RPLP1: variants seen among roughly 807,000 people sequenced by gnomAD.
RPLP1 encodes ribosomal protein lateral stalk subunit P1.
In RPLP1, 4 loss-of-function variants were observed where a neutral mutation model predicts 11.6. That is an observed-to-expected ratio of 0.34 (90% CI 0.17 to 0.79). The LOEUF is 0.79. Ranked by LOEUF, RPLP1 falls within the 30% of genes least tolerant of loss-of-function variation. RPLP1 has a pLI of 0.55. For synonymous variants in RPLP1, 54 were observed against 52.2 expected (o/e 1.03, Z -0.15); for missense variants, 133 against 142.8 (o/e 0.93, Z 0.35).
rs146223929 is a variant in RPLP1 at position 69,455,112 on chromosome 15, G to A, written c.148-58G>A. 819 of 1,503,198 alleles carry A rather than the reference G, an allele frequency of 5.4e-4. 2 individuals are homozygous for A. In the African/African-American group the frequency reaches 8.4e-3, roughly 15 times the overall value. The allele number at this position is 1,503,198 out of a possible 1,614,324, so 93.1% of individuals were successfully genotyped here. ...GGGGATACTTTTCGTTTTTGGCTGC[G>A]TGAGTGCTTAACAAGGACAGAACTG... is the stretch of plus-strand genomic sequence containing the variant. On this transcript the variant is annotated intron_variant, in intron 2 of 3. Coordinates refer to ENST00000260379, the MANE Select transcript of RPLP1 (RefSeq NM_001003.3).
Position 69,453,033 on chromosome 15 carries a change from G to A in RPLP1, c.72+13G>A, listed in dbSNP as rs1050775609. On this transcript the variant is annotated intron_variant, in intron 1 of 3. Transcript: ENST00000260379. The stretch of plus-strand genomic sequence containing the variant: ...GGTGACAGTCACGGTGAGTGCGGGC[G>A]CGGGCCGGCGGCCGGGCTGCCTGTG... 17 of 1,553,010 alleles carry A rather than the reference G, an allele frequency of 1.1e-5. No individual in the cohort carries two copies. In the African/African-American group the frequency reaches 2.2e-4, roughly 20 times the overall value.
intron 2 of RPLP1, chr15:69,454,680 G>C (rs1892407955): frequency 6.6e-6 from 1 of 152,238 alleles, no homozygotes; most frequent in Admixed American, 6.5e-5. Context: ...TGGAACTGTG[G>C]AAAGAATATT....
Position 69,453,031 on chromosome 15 carries a change from G to A in RPLP1, c.72+11G>A. On this transcript the variant is annotated intron_variant, in intron 1 of 3. Coordinates refer to ENST00000260379, the MANE Select transcript of RPLP1 (RefSeq NM_001003.3). ...GAGGTGACAGTCACGGTGAGTGCGG[G>A]CGCGGGCCGGCGGCCGGGCTGCCTG... 6.4e-7 allele frequency: 1 copy of A among 1,553,506 alleles called. No individual in the cohort carries two copies. Among genetic ancestry groups the A allele is most frequent in the Non-Finnish European group, 8.7e-7 (1 of 1,150,436 alleles).
In RPLP1 at chr15:69,455,532, A is replaced by G; in HGVS notation, c.*25A>G. 6.4e-7 allele frequency: 1 copy of G among 1,551,272 alleles called. No individual in the cohort carries two copies. The highest frequency in any genetic ancestry group is 8.8e-7 in the Non-Finnish European group (1 of 1,140,080). On this transcript the variant is annotated 3_prime_UTR_variant, in exon 4 of 4. Transcript: ENST00000260379. Reference sequence around the variant, plus strand: ...AACCTCTTTTATAACATGTTCAATAAAAAGCTGAACTTTACTGCTGTTGGT... The same window carrying G: ...AACCTCTTTTATAACATGTTCAATAGAAAGCTGAACTTTACTGCTGTTGGT...
rs113844079 is a variant in RPLP1 at position 69,452,819 on chromosome 15, C to A, written c.-130C>A. 7.4e-6 allele frequency: 6 copies of A among 814,948 alleles called. No homozygotes were observed. The highest frequency in any genetic ancestry group is 1.7e-5 in the African/African-American group (1 of 59,352). The allele number at this position is 814,948 out of a possible 1,614,324, so 50.5% of individuals were successfully genotyped here. Reference sequence around the variant, plus strand: ...AGAGGCTGCGTATAGGCGCGAGAGCCCCTTTCCTCAGCTGCCGCCAAGGTG... The same window carrying A: ...AGAGGCTGCGTATAGGCGCGAGAGCACCTTTCCTCAGCTGCCGCCAAGGTG... On this transcript the variant is annotated 5_prime_UTR_variant, in exon 1 of 4. Coordinates refer to ENST00000260379, the MANE Select transcript of RPLP1 (RefSeq NM_001003.3).
rs1892370873 is a variant in RPLP1, at chr15:69,452,932, C to T, written c.-17C>T. ...AGCACCGCGTCCGGCAGCGCCAGCCCTACACTCGCCCGCGCCATGGCCTCT... is the reference window on the plus strand; with the variant it reads ...AGCACCGCGTCCGGCAGCGCCAGCCTTACACTCGCCCGCGCCATGGCCTCT... On this transcript the variant is annotated 5_prime_UTR_variant, in exon 1 of 4. Transcript: ENST00000260379. 12 of 1,567,196 alleles carry T rather than the reference C, an allele frequency of 7.7e-6. No individual in the cohort carries two copies. Among genetic ancestry groups the T allele is most frequent in the Non-Finnish European group, 1.0e-5 (12 of 1,158,820 alleles).
chr15:69,453,399 C>A (rs564395590), intron 1 of RPLP1: 85 of 586,708 alleles, frequency 1.4e-4, no homozygotes, highest in Non-Finnish European at 2.5e-4. Context: ...AGGAAGGCGC[C>A]CGAGCTCGGC....
chr15:69,455,511 T>A lies in RPLP1; in HGVS notation c.*4T>A. On this transcript the variant is annotated 3_prime_UTR_variant, in exon 4 of 4. Coordinates refer to ENST00000260379, the MANE Select transcript of RPLP1 (RefSeq NM_001003.3). ...GGGCTTTGGTCTTTTTGACTAAACC[T>A]CTTTTATAACATGTTCAATAAAAAG... 3 of 1,595,128 alleles carry A rather than the reference T, an allele frequency of 1.9e-6. No homozygotes were observed. The highest frequency in any genetic ancestry group is 2.6e-6 in the Non-Finnish European group (3 of 1,172,218).
At chr15:69,453,170 G>T in intron 1 of RPLP1, 150 bp downstream of exon 1, 1 of 716,496 alleles carries the variant, frequency 1.4e-6, no homozygotes, top group Non-Finnish European at 2.3e-6. Flanking sequence ...CGCTCCTCGG[G>T]GCTGGGGCCT....
intron 1 of RPLP1, 150 bp downstream of exon 1, chr15:69,453,170 G>A: frequency 1.4e-6 from 1 of 716,496 alleles, no homozygotes; most frequent in African/African-American, 1.8e-5. Flanking sequence ...CGCTCCTCGG[G>A]GCTGGGGCCT....
In RPLP1 at chr15:69,455,707, C is replaced by T. The variant is rs995197145; in HGVS notation, c.*200C>T. The T allele has an allele frequency of 3.4e-6, 2 of 581,298 alleles. No homozygotes were observed. Among genetic ancestry groups the T allele is most frequent in the Non-Finnish European group, 6.1e-6 (2 of 329,478 alleles). 36.0% of individuals were successfully genotyped at this position (581,298 alleles called of 1,614,324 possible). On this transcript the variant is annotated 3_prime_UTR_variant, in exon 4 of 4. Transcript: ENST00000260379. The stretch of plus-strand genomic sequence containing the variant: ...CAATCCTGATGCTAACAAGAAGGCA[C>T]CTCATGGTACAGTGTTGAAAACTGC...
chr15:69,452,859 G>A lies in RPLP1; in HGVS notation c.-90G>A. Reference sequence around the variant, plus strand: ...CCGCCAAGGTGCTCGGTCCTTCCGAGGAAGCTAAGGCTGCGTTGGGGTGAG... The same window carrying A: ...CCGCCAAGGTGCTCGGTCCTTCCGAAGAAGCTAAGGCTGCGTTGGGGTGAG... On this transcript the variant is annotated 5_prime_UTR_variant, in exon 1 of 4. Coordinates refer to ENST00000260379, the MANE Select transcript of RPLP1 (RefSeq NM_001003.3). The A allele has an allele frequency of 4.0e-6, 5 of 1,238,708 alleles. No individual in the cohort carries two copies. The highest frequency in any genetic ancestry group is 5.1e-5 in the East Asian group (2 of 39,230). 76.7% of individuals were successfully genotyped at this position (1,238,708 alleles called of 1,614,324 possible). A position where few individuals can be genotyped will look rare whatever the true frequency, so the allele number is the denominator to read the frequency against.
chr15:69,452,843 T>C lies in RPLP1; in HGVS notation c.-106T>C. ...CCCCTTTCCTCAGCTGCCGCCAAGG[T>C]GCTCGGTCCTTCCGAGGAAGCTAAG... On this transcript the variant is annotated 5_prime_UTR_variant, in exon 1 of 4. Transcript: ENST00000260379. 1 of 1,048,868 alleles carries C rather than the reference T, an allele frequency of 9.5e-7. No homozygotes were observed. Among genetic ancestry groups the C allele is most frequent in the East Asian group, 2.6e-5 (1 of 38,348 alleles). The allele number at this position is 1,048,868 out of a possible 1,614,324, so 65.0% of individuals were successfully genotyped here. A position where few individuals can be genotyped will look rare whatever the true frequency, so the allele number is the denominator to read the frequency against.
intron 1 of RPLP1, 145 bp downstream of exon 1, chr15:69,453,165 C>G (rs1388624496): frequency 3.9e-6 from 3 of 767,994 alleles, no homozygotes; most frequent in African/African-American, 3.5e-5. Flanking sequence ...GCGGGCGCTC[C>G]TCGGGGCTGG....
rs1169715226 is a variant in RPLP1 at position 69,452,947 on chromosome 15, C to T, written c.-2C>T. 3 of 1,573,756 alleles carry T rather than the reference C, an allele frequency of 1.9e-6. No homozygotes were observed. The highest frequency in any genetic ancestry group is 2.4e-5 in the East Asian group (1 of 41,992). The stretch of plus-strand genomic sequence containing the variant: ...AGCGCCAGCCCTACACTCGCCCGCG[C>T]CATGGCCTCTGTCTCCGAGCTCGCC... On this transcript the variant is annotated 5_prime_UTR_variant, in exon 1 of 4. Coordinates refer to ENST00000260379, the MANE Select transcript of RPLP1 (RefSeq NM_001003.3).
intron 2 of RPLP1, 127 bp downstream of exon 2, chr15:69,453,848 G>A: frequency 2.3e-6 from 2 of 876,546 alleles, no homozygotes; most frequent in Non-Finnish European, 3.8e-6. Context: ...GGTGTTTTTC[G>A]TTGCATGTAT....
At chr15:69,453,604 C>T (rs948603030) in intron 1 of RPLP1, 43 bp from the exon 2 acceptor site, 1 of 1,596,102 alleles carries the variant, frequency 6.3e-7, no homozygotes, top group Admixed American at 1.7e-5. Context: ...GGAGATATTA[C>T]ATACGCTACG....
Position 69,455,856 on chromosome 15 carries a change from GCCT to G in RPLP1, c.*353_*355del, listed in dbSNP as rs1892428126. ...GGGTAATACAGACCAGCTTTAGAAA[GCCT>G]CCTGGGTATTTACCCTATACAACCC... On this transcript the variant is annotated 3_prime_UTR_variant, in exon 4 of 4. Transcript: ENST00000260379. 1 of 204,600 alleles carries G rather than the reference GCCT, an allele frequency of 4.9e-6. No homozygotes were observed. Among genetic ancestry groups the G allele is most frequent in the Non-Finnish European group, 9.9e-6 (1 of 100,510 alleles). 12.7% of individuals were successfully genotyped at this position (204,600 alleles called of 1,614,324 possible).
chr15:69,452,820 CCT>C lies in RPLP1; in HGVS notation c.-128_-127del. 7.2e-6 allele frequency: 6 copies of C among 836,474 alleles called. No homozygotes were observed. In the South Asian group the frequency reaches 7.6e-5, roughly 11 times the overall value. 51.8% of individuals were successfully genotyped at this position (836,474 alleles called of 1,614,324 possible). A position where few individuals can be genotyped will look rare whatever the true frequency, so the allele number is the denominator to read the frequency against. ...GAGGCTGCGTATAGGCGCGAGAGCCCCTTTCCTCAGCTGCCGCCAAGGTGCTC... is the reference window on the plus strand; with the variant it reads ...GAGGCTGCGTATAGGCGCGAGAGCCCTTCCTCAGCTGCCGCCAAGGTGCTC... On this transcript the variant is annotated 5_prime_UTR_variant, in exon 1 of 4. Coordinates refer to ENST00000260379, the MANE Select transcript of RPLP1 (RefSeq NM_001003.3).
Sources: gnomAD v4.1 joint callset for allele counts on GRCh38, gnomAD v4.1.1 for gene constraint, MANE v1.5 for transcripts, NCBI Gene and HGNC (gene_info 2026-07-23, HGNC 2026-07-21) for gene names.